MGAT4C: variants seen among roughly 807,000 people sequenced by gnomAD.
MGAT4C encodes MGAT4 family member C.
In MGAT4C, 19 loss-of-function variants were observed where a neutral mutation model predicts 40.1. The observed-to-expected ratio is 0.47, with a 90% CI of 0.33 to 0.70. The LOEUF is 0.70. MGAT4C is among the 30% of genes least tolerant of loss of function. The pLI is 0.02. For missense variants in MGAT4C, 491 were observed against 563.2 expected (o/e 0.87, Z 1.30); for synonymous variants, 181 against 187.1 (o/e 0.97, Z 0.27).
intron 2 of MGAT4C, among the ~76,000 whole-genome samples, chr12:86,003,694 T>C (rs1887584342): frequency 6.6e-6 from 1 of 152,146 alleles, no homozygotes; most frequent in African/African-American, 2.4e-5. Context: ...AAGTAATAAA[T>C]ACTCACTAAA....
At chr12:86,275,067 A>G (rs972058608) in intron 4 of MGAT4C, among the ~76,000 whole-genome samples, 6 of 152,242 alleles carry the variant, frequency 3.9e-5, no homozygotes. Flanking sequence ...TTCAAGGAAA[A>G]CAAAGCTAAC....
chr12:86,111,231 C>A (rs1448654735), intron 1 of MGAT4C, among the ~76,000 whole-genome samples: 2 of 151,538 alleles, frequency 1.3e-5, no homozygotes. Context: ...GTAAACTAAC[C>A]TAAAAGTTAA....
intron 4 of MGAT4C, among the ~76,000 whole-genome samples, chr12:86,291,051 T>A (rs1175794758): frequency 1.3e-5 from 2 of 152,158 alleles, no homozygotes; most frequent in East Asian, 3.9e-4. Flanking sequence ...AAAGATCAGA[T>A]AAAGCACATG....
At chr12:86,408,820 A>G (rs1956542941) in intron 3 of MGAT4C, among the ~76,000 whole-genome samples, 2 of 152,006 alleles carry the variant, frequency 1.3e-5, no homozygotes, top group Admixed American at 6.6e-5. Flanking sequence ...TTTTTCCAGA[A>G]TAGTATGTCC....
intron 2 of MGAT4C, among the ~76,000 whole-genome samples, chr12:86,621,036 A>G (rs1467963560): frequency 1.3e-5 from 2 of 152,152 alleles, no homozygotes; most frequent in Non-Finnish European, 2.9e-5. Flanking sequence ...TCTTCATATC[A>G]ACGTGAGAAT....
At chr12:86,421,648 C>T (rs902766425) in intron 3 of MGAT4C, among the ~76,000 whole-genome samples, 1 of 152,066 alleles carries the variant, frequency 6.6e-6, no homozygotes, top group Non-Finnish European at 1.5e-5. Context: ...TGGTGGCAGG[C>T]GCTTATTATC....
chr12:86,654,141 T>C (rs1292220564), intron 2 of MGAT4C, among the ~76,000 whole-genome samples: 1 of 151,962 alleles, frequency 6.6e-6, no homozygotes, highest in Non-Finnish European at 1.5e-5. Flanking sequence ...GAACAAGCCT[T>C]ATGGCTTAGG....
chr12:86,083,364 T>A (rs1237097048), intron 1 of MGAT4C, among the ~76,000 whole-genome samples: 3 of 152,072 alleles, frequency 2.0e-5, no homozygotes, highest in African/African-American at 4.8e-5. Flanking sequence ...TATAAAATGA[T>A]CATGCCACTA....
intron 4 of MGAT4C, among the ~76,000 whole-genome samples, chr12:85,981,066 C>T (rs1424826479): frequency 6.6e-6 from 1 of 151,960 alleles, no homozygotes; most frequent in Non-Finnish European, 1.5e-5. Context: ...AGAAAGCAAA[C>T]AATATTATAA....
At chr12:86,346,248 A>G (rs1319217098) in intron 3 of MGAT4C, among the ~76,000 whole-genome samples, 1 of 152,026 alleles carries the variant, frequency 6.6e-6, no homozygotes, top group African/African-American at 2.4e-5. Flanking sequence ...GTTTTTTGAC[A>G]GAGTCTCACT....
intron 2 of MGAT4C, among the ~76,000 whole-genome samples, chr12:86,498,232 T>C (rs955673957): frequency 5.3e-5 from 8 of 151,530 alleles, no homozygotes; most frequent in Non-Finnish European, 1.0e-4. Context: ...TTATGGCAAT[T>C]GTCTCAAGTA....
chr12:86,136,691 G>A (rs1005987936), intron 1 of MGAT4C, among the ~76,000 whole-genome samples: 2 of 151,628 alleles, frequency 1.3e-5, no homozygotes, highest in Non-Finnish European at 2.9e-5. Flanking sequence ...TTTTGTTTTT[G>A]TTTTTTCTTT....
At chr12:86,014,547 C>T (rs1888862971) in intron 2 of MGAT4C, among the ~76,000 whole-genome samples, 1 of 152,074 alleles carries the variant, frequency 6.6e-6, no homozygotes, top group South Asian at 2.1e-4. Context: ...TTAGTGTGAA[C>T]GTCAGCCAGC....
At chr12:86,217,832 T>TTG (rs1226692950) in intron 1 of MGAT4C, among the ~76,000 whole-genome samples, 1 of 152,134 alleles carries the variant, frequency 6.6e-6, no homozygotes, top group Non-Finnish European at 1.5e-5. Context: ...AGAATGACTA[T>TTG]TGTTTCAAAA....
At chr12:86,426,599 C>G (rs1450969781) in intron 3 of MGAT4C, among the ~76,000 whole-genome samples, 3 of 152,160 alleles carry the variant, frequency 2.0e-5, no homozygotes, top group Admixed American at 6.5e-5. Flanking sequence ...AAAGCCTCTG[C>G]TCCAAATGCA....
chr12:86,629,655 T>G (rs1354859229), intron 2 of MGAT4C, among the ~76,000 whole-genome samples: 1 of 152,156 alleles, frequency 6.6e-6, no homozygotes, highest in Non-Finnish European at 1.5e-5. Flanking sequence ...GAAGGACTAC[T>G]GGGTACATAA....
rs1000048585 is a variant in MGAT4C at position 85,975,265 on chromosome 12, T to G, written c.*4024A>C. 1.3e-5 allele frequency: 2 copies of G among 151,004 alleles called. No individual in the cohort carries two copies. Among genetic ancestry groups the G allele is most frequent in the Non-Finnish European group, 3.0e-5 (2 of 67,144 alleles). The allele number at this position is 151,004 out of a possible 1,614,324, so 9.4% of individuals were successfully genotyped here. On this transcript the variant is annotated 3_prime_UTR_variant, in exon 5 of 5. Transcript: ENST00000611864. ...TAACATTTTTAAAGGGCAGTAAATT[T>G]TATAATTGTTATTGATTACAATGAA... is the stretch of plus-strand genomic sequence containing the variant.
intron 3 of MGAT4C, among the ~76,000 whole-genome samples, chr12:86,349,659 AC>A (rs775540843): frequency 6.6e-6 from 1 of 152,128 alleles, no homozygotes; most frequent in Non-Finnish European, 1.5e-5. Flanking sequence ...ACTGAAAATT[AC>A]GAGCTACAAA....
intron 2 of MGAT4C, among the ~76,000 whole-genome samples, chr12:86,038,202 C>T (rs1891431842): frequency 6.7e-6 from 1 of 149,712 alleles, no homozygotes; most frequent in East Asian, 1.9e-4. Context: ...ACATATTCTG[C>T]TAGTTGAGAT....
Sources: allele counts gnomAD v4.1 joint callset (sites outside exome capture counted in the v4.1 genomes callset), GRCh38; gene constraint gnomAD v4.1.1; transcripts MANE v1.5; gene names NCBI Gene and HGNC (gene_info 2026-07-23, HGNC 2026-07-21).